The following CLIP2 variants were observed in gnomAD, a reference collection of about 807,000 sequenced individuals.
CLIP2 encodes the protein CAP-Gly domain containing linker protein 2.
Under a neutral mutation model 111.7 loss-of-function variants are expected in CLIP2, and 41 were observed. The observed-to-expected ratio is 0.37, with a 90% CI of 0.29 to 0.48. The LOEUF is 0.48. CLIP2 is among the 20% of genes least tolerant of loss of function. CLIP2 has a pLI of 0.99. For synonymous variants in CLIP2, 660 were observed against 644.2 expected (o/e 1.02, Z -0.37); for missense variants, 1,160 against 1,422.1 (o/e 0.82, Z 2.96).
chr7:74,396,741 A>G (rs572797621), intron 13 of CLIP2, among the ~76,000 whole-genome samples: 18 of 152,066 alleles, frequency 1.2e-4, no homozygotes, highest in African/African-American at 3.9e-4. Context: ...GGCTGGTCTC[A>G]AACTCCTGAC....
intron 5 of CLIP2, among the ~76,000 whole-genome samples, chr7:74,356,935 G>A (rs1449839710): frequency 6.6e-6 from 1 of 152,138 alleles, no homozygotes; most frequent in Non-Finnish European, 1.5e-5. Flanking sequence ...GAGGCTGCTT[G>A]GTGGCTATGG....
chr7:74,405,898 C>G lies in CLIP2; in HGVS notation c.*2050C>G. The G allele has an allele frequency of 6.6e-6, 1 of 152,534 alleles. No individual in the cohort carries two copies. Among genetic ancestry groups the G allele is most frequent in the Non-Finnish European group, 1.5e-5 (1 of 68,088 alleles). The allele number at this position is 152,534 out of a possible 1,614,324, so 9.4% of individuals were successfully genotyped here. A position where few individuals can be genotyped will look rare whatever the true frequency, so the allele number is the denominator to read the frequency against. On this transcript the variant is annotated 3_prime_UTR_variant, in exon 17 of 17. Transcript: ENST00000223398. ...GTGGAATTGTTGAAGTGTGGCGAGTCTGTGCTCGGGACAATAAAGCTTGTG... is the reference window on the plus strand; with the variant it reads ...GTGGAATTGTTGAAGTGTGGCGAGTGTGTGCTCGGGACAATAAAGCTTGTG...
Position 74,403,916 on chromosome 7 carries a change from C to T in CLIP2, c.*68C>T. ...CCCACGCGGCTGCCCGGCAGTACCT[C>T]CTCCAGGCAGGAGCCGGGACTGTCA... On this transcript the variant is annotated 3_prime_UTR_variant, in exon 17 of 17. Coordinates refer to ENST00000223398, the MANE Select transcript of CLIP2 (RefSeq NM_003388.5). 6.5e-7 allele frequency: 1 copy of T among 1,549,296 alleles called. No individual in the cohort carries two copies. The highest frequency in any genetic ancestry group is 1.1e-5 in the South Asian group (1 of 89,932).
At chr7:74,308,928 T>C (rs1234078305) in intron 1 of CLIP2, among the ~76,000 whole-genome samples, 5 of 152,068 alleles carry the variant, frequency 3.3e-5, no homozygotes, top group Non-Finnish European at 7.4e-5. Flanking sequence ...AGTGTGGTAG[T>C]GTGATCACAG....
At chr7:74,367,346 A>G (rs1441366851) in intron 8 of CLIP2, among the ~76,000 whole-genome samples, 2 of 151,946 alleles carry the variant, frequency 1.3e-5, no homozygotes, top group African/African-American at 4.8e-5. Flanking sequence ...ATCCACCACC[A>G]TGCCCGGCTA....
At chr7:74,335,882 A>G (rs1789439559) in intron 2 of CLIP2, among the ~76,000 whole-genome samples, 1 of 150,874 alleles carries the variant, frequency 6.6e-6, no homozygotes, top group South Asian at 2.1e-4. Context: ...AGCTGCGACT[A>G]CAGGCGCCCA....
In CLIP2 at chr7:74,349,291, C is replaced by T. The variant is rs918319932; in HGVS notation, c.679-4589C>T. On this transcript the variant is annotated intron_variant, in intron 3 of 16. Transcript: ENST00000223398. ...ACTAAAAATACAAAAATTAGCTGGG[C>T]GTGGTGGCACGTGCCTGTAATCCCA... is the stretch of plus-strand genomic sequence containing the variant. 1.6e-4 allele frequency among the ~76,000 whole-genome samples: 24 copies of T among 150,960 alleles called. No homozygotes were observed. In the East Asian group the frequency reaches 2.2e-3, roughly 14 times the overall value.
intron 2 of CLIP2, among the ~76,000 whole-genome samples, chr7:74,335,322 C>G (rs1269883283): frequency 6.9e-6 from 1 of 145,814 alleles, no homozygotes; most frequent in Non-Finnish European, 1.5e-5. Flanking sequence ...GCAGTTGGCA[C>G]TTCATAAATG....
At chr7:74,307,255 A>G (rs1378870259) in intron 1 of CLIP2, among the ~76,000 whole-genome samples, 1 of 152,142 alleles carries the variant, frequency 6.6e-6, no homozygotes, top group African/African-American at 2.4e-5. Context: ...CTGTCCCCAG[A>G]GGCCAGGGGG....
intron 8 of CLIP2, among the ~76,000 whole-genome samples, chr7:74,369,051 C>A (rs1025097936): frequency 2.0e-4 from 31 of 152,074 alleles, no homozygotes; most frequent in Admixed American, 2.0e-3. Flanking sequence ...CCCATCTCTA[C>A]AAAAATTAAA....
intron 1 of CLIP2, among the ~76,000 whole-genome samples, chr7:74,316,648 G>A (rs949076182): frequency 1.3e-5 from 2 of 150,984 alleles, no homozygotes; most frequent in South Asian, 2.1e-4. Flanking sequence ...TGCAACCACC[G>A]CCTCCTGGGT....
chr7:74,359,601 C>A (rs1211488261), intron 6 of CLIP2, among the ~76,000 whole-genome samples: 1 of 152,098 alleles, frequency 6.6e-6, no homozygotes, highest in Admixed American at 6.6e-5. Flanking sequence ...GTGATCCGCC[C>A]GCCTTGGCCT....
intron 7 of CLIP2, 71 bp downstream of exon 7, chr7:74,360,349 G>A (rs1217160446): frequency 1.7e-6 from 2 of 1,199,902 alleles, no homozygotes; most frequent in East Asian, 2.6e-5. Context: ...GCAGGCTTGG[G>A]AATAGCGGAC....
chr7:74,373,940 C>G (rs1348930579), intron 9 of CLIP2, among the ~76,000 whole-genome samples: 2 of 152,000 alleles, frequency 1.3e-5, no homozygotes, highest in African/African-American at 4.8e-5. Flanking sequence ...GGTCCTGGAG[C>G]CATGGAACAG....
intron 6 of CLIP2, among the ~76,000 whole-genome samples, chr7:74,359,304 CTT>C (rs781818730): frequency 2.4e-4 from 29 of 120,280 alleles, no homozygotes; most frequent in Admixed American, 6.0e-4. Flanking sequence ...CTGCAGTAAA[CTT>C]TTTTTTTTTT....
chr7:74,350,820 C>T (rs766308551), intron 3 of CLIP2, among the ~76,000 whole-genome samples: 39 of 150,904 alleles, frequency 2.6e-4, no homozygotes, highest in Admixed American at 4.0e-4. Flanking sequence ...GAGCCATGAT[C>T]GCACCACTGC....
At chr7:74,314,823 G>A (rs561396465) in intron 1 of CLIP2, among the ~76,000 whole-genome samples, 2 of 152,336 alleles carry the variant, frequency 1.3e-5, no homozygotes, top group Admixed American at 1.3e-4. Flanking sequence ...GCCTGGGGGT[G>A]GGGGGCTTGT....
chr7:74,320,120 C>G (rs1359552757), intron 2 of CLIP2, among the ~76,000 whole-genome samples: 1 of 147,780 alleles, frequency 6.8e-6, no homozygotes, highest in Non-Finnish European at 1.5e-5. Flanking sequence ...TGCTTGAACC[C>G]GGGAGGCGGA....
intron 8 of CLIP2, among the ~76,000 whole-genome samples, chr7:74,371,022 C>G (rs375706184): frequency 5.3e-5 from 8 of 152,024 alleles, no homozygotes; most frequent in African/African-American, 1.9e-4. Flanking sequence ...CTGAGGTGGG[C>G]AGATCACCTG....
Sources: allele counts gnomAD v4.1 joint callset (sites outside exome capture counted in the v4.1 genomes callset), GRCh38; gene constraint gnomAD v4.1.1; transcripts MANE v1.5; gene names NCBI Gene and HGNC (gene_info 2026-07-23, HGNC 2026-07-21).